The following PRKCB variants were observed in gnomAD, a reference collection of about 807,000 sequenced individuals.
The protein encoded by PRKCB is protein kinase C beta.
Under a neutral mutation model 81.5 loss-of-function variants are expected in PRKCB, and 13 were observed. That is an observed-to-expected ratio of 0.16 (90% CI 0.10 to 0.25). The LOEUF (loss-of-function observed/expected upper bound fraction) is 0.25, where lower values mean the gene tolerates loss of function less well. Among genes scored for constraint, PRKCB ranks in the 10% least tolerant of loss-of-function variants. The pLI is 1.00. For missense variants in PRKCB, 509 were observed against 875.7 expected, an observed-to-expected ratio of 0.58 and a Z score of 5.29; for synonymous variants, 335 against 321.4, an observed-to-expected ratio of 1.04 and a Z score of -0.45.
At chr16:24,117,987 G>GA (rs1966755092) in intron 8 of PRKCB, among the ~76,000 whole-genome samples, 1 of 152,222 alleles carries the variant, frequency 6.6e-6, no homozygotes, top group African/African-American at 2.4e-5. Flanking sequence ...CCTATAACCA[G>GA]AAAATAAGCT....
intron 2 of PRKCB, among the ~76,000 whole-genome samples, chr16:23,854,634 A>G (rs1188899604): frequency 6.6e-6 from 1 of 152,232 alleles, no homozygotes; most frequent in Non-Finnish European, 1.5e-5. Flanking sequence ...GCCAAGGCTC[A>G]GAACATGCAT....
intron 2 of PRKCB, among the ~76,000 whole-genome samples, chr16:23,892,235 T>A (rs1245392932): frequency 6.6e-6 from 1 of 152,152 alleles, no homozygotes; most frequent in Non-Finnish European, 1.5e-5. Context: ...AACTTACATT[T>A]TTTTTCTCCA....
intron 2 of PRKCB, among the ~76,000 whole-genome samples, chr16:23,973,701 G>T (rs1964587902): frequency 4.0e-5 from 6 of 151,730 alleles, no homozygotes; most frequent in Admixed American, 6.6e-5. Context: ...CTTTTTTTGA[G>T]ACAGGGTCTC....
At chr16:24,127,004 CTTTTT>C (rs34385102) in intron 9 of PRKCB, among the ~76,000 whole-genome samples, 1 of 116,188 alleles carries the variant, frequency 8.6e-6, no homozygotes, top group African/African-American at 3.3e-5. Flanking sequence ...TTCTTTTTTC[CTTTTT>C]TTTTTTTTTT....
Position 24,220,366 on chromosome 16 carries a change from A to C in PRKCB, c.*5550A>C, listed in dbSNP as rs1968304231. 1 of 348,448 alleles carries C rather than the reference A, an allele frequency of 2.9e-6. No individual in the cohort carries two copies. Among genetic ancestry groups the C allele is most frequent in the Admixed American group, 4.5e-5 (1 of 22,386 alleles). 21.6% of individuals were successfully genotyped at this position (348,448 alleles called of 1,614,324 possible). A position where few individuals can be genotyped will look rare whatever the true frequency, so the allele number is the denominator to read the frequency against. Reference sequence around the variant, plus strand: ...AAACTTCCAGAAACTCATCAAATGAACAGACAATGTCAAAACTACTGTGTC... The same window carrying C: ...AAACTTCCAGAAACTCATCAAATGACCAGACAATGTCAAAACTACTGTGTC... On this transcript the variant is annotated 3_prime_UTR_variant, in exon 17 of 17. Coordinates refer to ENST00000643927, the MANE Select transcript of PRKCB (RefSeq NM_002738.7).
intron 2 of PRKCB, among the ~76,000 whole-genome samples, chr16:23,922,724 C>G (rs1963843469): frequency 1.3e-5 from 2 of 152,176 alleles, no homozygotes; most frequent in Non-Finnish European, 2.9e-5. Context: ...AGCAAACTAC[C>G]CTTCCTCCAG....
chr16:24,216,458 A>G lies in PRKCB; in HGVS notation c.*1642A>G. ...CCCTCCTCGCCTGCCGTGTCCTGCTATTCTCAGGCAGCTCTAAGGAGAATT... is the reference window on the plus strand; with the variant it reads ...CCCTCCTCGCCTGCCGTGTCCTGCTGTTCTCAGGCAGCTCTAAGGAGAATT... On this transcript the variant is annotated 3_prime_UTR_variant, in exon 17 of 17. Transcript: ENST00000643927. 1.0e-6 allele frequency: 1 copy of G among 985,444 alleles called. No homozygotes were observed. The highest frequency in any genetic ancestry group is 1.2e-6 in the Non-Finnish European group (1 of 829,938). The allele number at this position is 985,444 out of a possible 1,614,324, so 61.0% of individuals were successfully genotyped here.
intron 3 of PRKCB, among the ~76,000 whole-genome samples, chr16:24,016,018 C>CT (rs1965272800): frequency 6.6e-6 from 1 of 152,134 alleles, no homozygotes; most frequent in Non-Finnish European, 1.5e-5. Flanking sequence ...AGTGCCTGCT[C>CT]TGTGTCAGGC....
intron 2 of PRKCB, among the ~76,000 whole-genome samples, chr16:23,949,070 A>G (rs1415973705): frequency 6.6e-6 from 1 of 152,222 alleles, no homozygotes; most frequent in East Asian, 1.9e-4. Flanking sequence ...AGGCGTAAAC[A>G]CTTGGCTTTG....
chr16:24,112,298 G>A (rs116682987), intron 7 of PRKCB, among the ~76,000 whole-genome samples: 166 of 152,266 alleles, frequency 1.1e-3, no homozygotes, highest in African/African-American at 3.8e-3. Flanking sequence ...GGAGGATAGG[G>A]TGAGAAGATC....
intron 16 of PRKCB, among the ~76,000 whole-genome samples, chr16:24,209,953 CAA>C (rs113503232): frequency 2.2e-5 from 3 of 139,408 alleles, no homozygotes; most frequent in Admixed American, 1.4e-4. Context: ...CCTGTGTCTA[CAA>C]AAAAAAAAAA....
At chr16:24,118,656 T>C (rs1214512628) in intron 8 of PRKCB, among the ~76,000 whole-genome samples, 1 of 152,220 alleles carries the variant, frequency 6.6e-6, no homozygotes, top group Non-Finnish European at 1.5e-5. Flanking sequence ...CTTGGCTCTT[T>C]GCTCAGAAAT....
intron 13 of PRKCB, among the ~76,000 whole-genome samples, chr16:24,182,928 C>T (rs1967650316): frequency 1.2e-5 from 1 of 85,270 alleles, no homozygotes. Flanking sequence ...ACTCTGTCTA[C>T]TCACTGCAAG....
At chr16:24,183,791 C>G (rs973309336) in intron 13 of PRKCB, among the ~76,000 whole-genome samples, 1 of 152,236 alleles carries the variant, frequency 6.6e-6, no homozygotes, top group East Asian at 1.9e-4. Context: ...ACCCTCAGAC[C>G]TCAGCCTTTA....
intron 2 of PRKCB, among the ~76,000 whole-genome samples, chr16:23,916,173 C>T (rs1963736155): frequency 6.6e-6 from 1 of 151,774 alleles, no homozygotes; most frequent in Non-Finnish European, 1.5e-5. Flanking sequence ...CCCACCTCAG[C>T]CTGCCGAGTA....
chr16:24,181,810 A>G (rs902376255), intron 13 of PRKCB, among the ~76,000 whole-genome samples: 2 of 149,728 alleles, frequency 1.3e-5, no homozygotes, highest in African/African-American at 2.4e-5. Flanking sequence ...ATGACAAATA[A>G]CACTATGATA....
At chr16:23,989,300 G>C (rs1964845944) in intron 3 of PRKCB, among the ~76,000 whole-genome samples, 2 of 152,126 alleles carry the variant, frequency 1.3e-5, no homozygotes, top group Non-Finnish European at 2.9e-5. Context: ...GCCCAGGCTG[G>C]TCTCAAATTC....
intron 5 of PRKCB, among the ~76,000 whole-genome samples, chr16:24,054,075 C>G (rs1335584253): frequency 6.6e-6 from 1 of 151,948 alleles, no homozygotes; most frequent in Non-Finnish European, 1.5e-5. Context: ...TGGCCTCAAG[C>G]AATCCTCCTG....
intron 2 of PRKCB, among the ~76,000 whole-genome samples, chr16:23,983,705 G>T (rs1964767377): frequency 6.6e-6 from 1 of 151,984 alleles, no homozygotes; most frequent in Non-Finnish European, 1.5e-5. Flanking sequence ...GGATAAAGAT[G>T]AATAAGATAA....
Sources: allele counts gnomAD v4.1 joint callset (sites outside exome capture counted in the v4.1 genomes callset), GRCh38; gene constraint gnomAD v4.1.1; transcripts MANE v1.5; gene names NCBI Gene and HGNC (gene_info 2026-07-23, HGNC 2026-07-21).